The following OSBPL6 variants were observed in gnomAD, a reference collection of about 807,000 sequenced individuals.
OSBPL6 encodes oxysterol binding protein like 6.
OSBPL6 carries 49 observed loss-of-function variants against 125.8 expected under a neutral mutation model. The observed-to-expected ratio is 0.39, with a 90% CI of 0.31 to 0.49. OSBPL6 has a LOEUF of 0.49. OSBPL6 is among the 20% of genes least tolerant of loss of function. The probability of loss-of-function intolerance (pLI) is 0.88; values close to 1 mark genes in which losing one functional copy is unlikely to be tolerated. For missense variants in OSBPL6, 986 were observed against 1,135.4 expected, an observed-to-expected ratio of 0.87 and a Z score of 1.89; for synonymous variants, 394 against 391.8, an observed-to-expected ratio of 1.01 and a Z score of -0.07.
At chr2:178,200,252 T>C in intron 1 of OSBPL6, among the ~76,000 whole-genome samples, 1 of 144,400 alleles carries the variant, frequency 6.9e-6, no homozygotes, top group East Asian at 2.0e-4. Context: ...CAGACCTTTT[T>C]TTTTTTTTTT....
intron 13 of OSBPL6, among the ~76,000 whole-genome samples, chr2:178,363,072 G>A (rs570888796): frequency 6.6e-6 from 1 of 152,292 alleles, no homozygotes; most frequent in East Asian, 1.9e-4. Flanking sequence ...ATGTCATCTT[G>A]TAAACATATA....
chr2:178,394,504 A>G lies in OSBPL6; in HGVS notation c.2696+69A>G, dbSNP rs529434312. ...GTTGCCACAGGCCATGAGAAACTCC[A>G]GTTAAATGAAAATAAAATGGGTAAA... On this transcript the variant is annotated intron_variant, in intron 24 of 24. Coordinates refer to ENST00000190611, the MANE Select transcript of OSBPL6 (RefSeq NM_032523.4). 2.3e-5 allele frequency: 35 copies of G among 1,504,916 alleles called. No homozygotes were observed. The South Asian group carries it at 4.1e-4, about 18-fold the overall frequency. The allele number at this position is 1,504,916 out of a possible 1,614,324, so 93.2% of individuals were successfully genotyped here. A position where few individuals can be genotyped will look rare whatever the true frequency, so the allele number is the denominator to read the frequency against.
intron 13 of OSBPL6, 133 bp from the exon 14 acceptor site, chr2:178,371,993 G>T: frequency 1.8e-6 from 1 of 570,266 alleles, no homozygotes; most frequent in Admixed American, 3.5e-5. Context: ...GGTAGGGTCT[G>T]GCTCATGATG....
chr2:178,281,322 G>A lies in OSBPL6; in HGVS notation c.-350-3605G>A, dbSNP rs117066055. On this transcript the variant is annotated intron_variant, in intron 1 of 24. Transcript: ENST00000190611. ...GCCACCGTGCCCGGCCGCTTTTGAC[G>A]TTTTCCTCATGAAATCTTTGCCTTG... 2.2e-4 allele frequency among the ~76,000 whole-genome samples: 33 copies of A among 152,048 alleles called. No homozygotes were observed. In the East Asian group the frequency reaches 6.2e-3, roughly 28 times the overall value.
chr2:178,322,488 A>T (rs1688328575), intron 3 of OSBPL6, among the ~76,000 whole-genome samples: 1 of 152,294 alleles, frequency 6.6e-6, no homozygotes, highest in African/African-American at 2.4e-5. Context: ...TCATAAGAGT[A>T]GTTCTCTTGT....
At chr2:178,294,949 T>C (rs1685614884) in intron 2 of OSBPL6, among the ~76,000 whole-genome samples, 1 of 151,528 alleles carries the variant, frequency 6.6e-6, no homozygotes, top group Non-Finnish European at 1.5e-5. Flanking sequence ...TTTTAGTTCA[T>C]ACATTTTCCT....
chr2:178,387,003 T>G (rs1694998509), intron 19 of OSBPL6, 58 bp from the exon 20 acceptor site: 2 of 1,151,612 alleles, frequency 1.7e-6, no homozygotes, highest in Non-Finnish European at 2.5e-6. Flanking sequence ...TTAGTTTTTA[T>G]AGAAGAGGTG....
At chr2:178,339,897 C>A in intron 11 of OSBPL6, 133 bp downstream of exon 11, 1 of 513,716 alleles carries the variant, frequency 1.9e-6, no homozygotes, top group Non-Finnish European at 3.3e-6. Flanking sequence ...CAAACTGTTA[C>A]ATTATCTAAA....
intron 2 of OSBPL6, among the ~76,000 whole-genome samples, chr2:178,287,924 G>A (rs1165813051): frequency 6.6e-6 from 1 of 151,658 alleles, no homozygotes; most frequent in African/African-American, 2.4e-5. Flanking sequence ...AAATTGTAGG[G>A]AGGGCTTAGG....
chr2:178,383,313 A>G, intron 17 of OSBPL6, 36 bp downstream of exon 17: 1 of 1,602,788 alleles, frequency 6.2e-7, no homozygotes, highest in Non-Finnish European at 8.5e-7. Flanking sequence ...CCCCTCAGGG[A>G]TTTGCCAACC....
chr2:178,314,372 G>A (rs1485587287), intron 3 of OSBPL6, among the ~76,000 whole-genome samples: 1 of 152,184 alleles, frequency 6.6e-6, no homozygotes, highest in East Asian at 1.9e-4. Flanking sequence ...GGGATTTGCA[G>A]GATGACCCTG....
At chr2:178,254,160 G>T (rs888183995) in intron 1 of OSBPL6, among the ~76,000 whole-genome samples, 1 of 152,130 alleles carries the variant, frequency 6.6e-6, no homozygotes, top group Admixed American at 6.5e-5. Context: ...TTGGGAGGCC[G>T]AGGTGGGCGG....
intron 10 of OSBPL6, among the ~76,000 whole-genome samples, chr2:178,339,357 C>A (rs1689989985): frequency 6.6e-6 from 1 of 152,090 alleles, no homozygotes; most frequent in South Asian, 2.1e-4. Flanking sequence ...ATGTTTGTGT[C>A]CTATTAGAAA....
intron 1 of OSBPL6, among the ~76,000 whole-genome samples, chr2:178,213,221 C>T (rs994956340): frequency 1.3e-5 from 2 of 152,024 alleles, no homozygotes; most frequent in African/African-American, 2.4e-5. Context: ...CTCCATACTG[C>T]CTCCCTGCTT....
At chr2:178,276,634 A>G (rs143708012) in intron 1 of OSBPL6, among the ~76,000 whole-genome samples, 291 of 152,178 alleles carry the variant, frequency 1.9e-3, no homozygotes, top group African/African-American at 6.8e-3. Context: ...CGGCCTCCCA[A>G]AGTGCTGGGA....
chr2:178,212,921 C>T (rs991225895), intron 1 of OSBPL6, among the ~76,000 whole-genome samples: 1 of 152,138 alleles, frequency 6.6e-6, no homozygotes, highest in African/African-American at 2.4e-5. Context: ...GATTCTCCCA[C>T]CTCAGCCTCC....
Position 178,384,118 on chromosome 2 carries a change from T to C in OSBPL6, c.1955T>C (p.Leu652Pro), listed in dbSNP as rs1246766794. ...RAGSKPFNPVLGETYECIRED... is the reference protein window; with the variant it reads ...RAGSKPFNPVPGETYECIRED... ...GGAAGTAAGCCATTCAACCCAGTCC[T>C]TGGGGAGACTTATGAATGCATTAGA... Residue 652 changes from leucine (L) to proline (P), a missense_variant, in exon 18 of 25, where the codon CTT becomes CCT. Physicochemically the swap from Leu to Pro is moderately conservative, Grantham distance 98. Transcript: ENST00000190611. The C allele has an allele frequency of 1.2e-6, 2 of 1,614,156 alleles. No homozygotes were observed. Among genetic ancestry groups the C allele is most frequent in the Non-Finnish European group, 1.7e-6 (2 of 1,179,998 alleles).
intron 1 of OSBPL6, among the ~76,000 whole-genome samples, chr2:178,239,010 A>G (rs573922600): frequency 1.4e-4 from 21 of 152,296 alleles, no homozygotes; most frequent in African/African-American, 3.6e-4. Context: ...TTGCCTTTCA[A>G]TCGTCTATGT....
chr2:178,330,189 C>T (rs1033099155), intron 5 of OSBPL6, among the ~76,000 whole-genome samples: 8 of 151,662 alleles, frequency 5.3e-5, no homozygotes, highest in African/African-American at 1.9e-4. Flanking sequence ...TAGGTGATCT[C>T]TGCTGAAATT....
Sources: gnomAD v4.1 joint callset for allele counts (sites outside exome capture counted in the v4.1 genomes callset) on GRCh38, gnomAD v4.1.1 for gene constraint, MANE v1.5 for transcripts, NCBI Gene and HGNC (gene_info 2026-07-23, HGNC 2026-07-21) for gene names.